The following EMC7 variants were observed in gnomAD, a reference collection of about 807,000 sequenced individuals.
EMC7 encodes the protein ER membrane protein complex subunit 7.
In EMC7, 4 loss-of-function variants were observed where a neutral mutation model predicts 24.4. The ratio of observed to expected loss-of-function variants is 0.16; its 90% confidence interval spans 0.08 to 0.38. EMC7 has a LOEUF of 0.38. Ranked by LOEUF, EMC7 falls within the 10% of genes least tolerant of loss-of-function variation. The pLI is 1.00. For missense variants in EMC7, 221 were observed against 300.6 expected, an observed-to-expected ratio of 0.74 and a Z score of 1.96; for synonymous variants, 106 against 112.0, an observed-to-expected ratio of 0.95 and a Z score of 0.34.
Position 34,096,023 on chromosome 15 carries a change from A to AT in EMC7, c.237-10dup. The stretch of plus-strand genomic sequence containing the variant: ...CAAAACTCCCATCTGTCCTGGAAAA[A>AT]TGAAAATCATGTTTAGCTACTACTG... On this transcript the variant is annotated splice_polypyrimidine_tract_variant and intron_variant, in intron 1 of 4. Coordinates refer to ENST00000256545, the MANE Select transcript of EMC7 (RefSeq NM_020154.3). 2.6e-6 allele frequency: 4 copies of AT among 1,544,820 alleles called. No homozygotes were observed. Among genetic ancestry groups the AT allele is most frequent in the Non-Finnish European group, 3.5e-6 (4 of 1,133,356 alleles).
intron 2 of EMC7, among the ~76,000 whole-genome samples, chr15:34,092,294 A>ACACACACACACACAC (rs1555523201): frequency 2.8e-4 from 7 of 24,642 alleles, no homozygotes; most frequent in East Asian, 1.1e-3. Context: ...CACACACACA[A>ACACACACACACACAC]AGAATTAGGA....
chr15:34,101,195 A>G (rs1901168234), intron 1 of EMC7, among the ~76,000 whole-genome samples: 1 of 152,178 alleles, frequency 6.6e-6, no homozygotes. Flanking sequence ...ATCTTTCTAC[A>G]TAATAACAAG....
At chr15:34,087,085 A>C (rs1567501484) in intron 4 of EMC7, among the ~76,000 whole-genome samples, 1 of 152,228 alleles carries the variant, frequency 6.6e-6, no homozygotes, top group Non-Finnish European at 1.5e-5. Flanking sequence ...CAAGAAGAAT[A>C]TTTGATAAAT....
intron 4 of EMC7, 28 bp from the exon 5 acceptor site, chr15:34,084,514 G>A (rs530468677): frequency 1.0e-4 from 167 of 1,596,964 alleles, no homozygotes; most frequent in Admixed American, 2.4e-4. Flanking sequence ...ACAATGATAT[G>A]TAGGATCCTT....
chr15:34,089,006 G>A (rs969296381), intron 3 of EMC7, among the ~76,000 whole-genome samples: 5 of 151,918 alleles, frequency 3.3e-5, no homozygotes, highest in East Asian at 3.9e-4. Flanking sequence ...ACAGGTCCCC[G>A]CCACCACACC....
intron 1 of EMC7, among the ~76,000 whole-genome samples, chr15:34,098,588 T>C (rs890399294): frequency 8.2e-4 from 124 of 151,256 alleles, no homozygotes; most frequent in African/African-American, 2.9e-3. Context: ...CCCTAGTAGC[T>C]GGGATTACAG....
intron 4 of EMC7, among the ~76,000 whole-genome samples, chr15:34,086,747 A>G (rs1900896291): frequency 6.6e-6 from 1 of 152,246 alleles, no homozygotes; most frequent in Non-Finnish European, 1.5e-5. Flanking sequence ...CTTTTAATCA[A>G]ATGTGACTTC....
At chr15:34,084,582 T>A (rs988625869) in intron 4 of EMC7, 96 bp from the exon 5 acceptor site, 8 of 1,370,950 alleles carry the variant, frequency 5.8e-6, no homozygotes, top group South Asian at 1.4e-5. Flanking sequence ...GTAGAACAAG[T>A]GAAAGGTACT....
chr15:34,098,297 A>C (rs1901112986), intron 1 of EMC7, among the ~76,000 whole-genome samples: 1 of 151,952 alleles, frequency 6.6e-6, no homozygotes, highest in Non-Finnish European at 1.5e-5. Flanking sequence ...GGTGATAATA[A>C]CCTTGAGGAT....
At position 34,088,102 on chromosome 15, in the gene EMC7, A is replaced by G. The variant is rs753948167; in HGVS notation, c.527T>C (p.Phe176Ser). The G allele has an allele frequency of 6.2e-7, 1 of 1,613,518 alleles. No homozygotes were observed. Among genetic ancestry groups the G allele is most frequent in the South Asian group, 1.1e-5 (1 of 90,834 alleles). The change falls in exon 4 of 5, where the codon TTT (phenylalanine) becomes TCT (serine). Residue 176 changes from phenylalanine (F) to serine (S), a missense_variant. Phe to Ser is a radical substitution (Grantham distance 155, BLOSUM62 -2). Around this residue, in one of 2 missense-constraint regions of EMC7, gnomAD observed 65 missense variants for 123.4 expected, o/e 0.53. Transcript: ENST00000256545. Reference protein sequence around the residue: ...VMMMVLPLLIFVLLPKVVNTS... With the variant: ...VMMMVLPLLISVLLPKVVNTS... Reference sequence around the variant, plus strand: ...GTTGACCACTTTAGGCAGAAGCACAAATATCAATAAAGGAAGAACCATCAT... The same window carrying G: ...GTTGACCACTTTAGGCAGAAGCACAGATATCAATAAAGGAAGAACCATCAT...
intron 1 of EMC7, 41 bp from the exon 2 acceptor site, chr15:34,096,055 A>G: frequency 6.9e-7 from 1 of 1,459,664 alleles, no homozygotes; most frequent in South Asian, 1.5e-5. Context: ...ACTGATCAAC[A>G]GCTTAGTCTT....
At chr15:34,084,688 T>G (rs956796518) in intron 4 of EMC7, among the ~76,000 whole-genome samples, 1 of 152,178 alleles carries the variant, frequency 6.6e-6, no homozygotes, top group Non-Finnish European at 1.5e-5. Context: ...ACTAGACATT[T>G]TGACTCTTAG....
intron 4 of EMC7, among the ~76,000 whole-genome samples, chr15:34,087,366 G>C (rs1310976160): frequency 6.6e-6 from 1 of 152,162 alleles, no homozygotes; most frequent in African/African-American, 2.4e-5. Context: ...AGAAAATGTG[G>C]TGGCACTAAA....
At chr15:34,088,878 C>T (rs571746501) in intron 3 of EMC7, among the ~76,000 whole-genome samples, 78 of 152,004 alleles carry the variant, frequency 5.1e-4, no homozygotes, top group Non-Finnish European at 9.9e-4. Flanking sequence ...TTTTTTGAGA[C>T]ACGGTCTCGC....
chr15:34,088,009 A>C, intron 4 of EMC7, 44 bp downstream of exon 4: 1 of 1,531,012 alleles, frequency 6.5e-7, no homozygotes, highest in South Asian at 1.2e-5. Flanking sequence ...CAGAGGCTCT[A>C]TCTCTTAAAA....
intron 1 of EMC7, among the ~76,000 whole-genome samples, chr15:34,097,903 A>C (rs542380015): frequency 2.9e-4 from 44 of 152,074 alleles, no homozygotes; most frequent in Admixed American, 8.5e-4. Context: ...TGGGAGGCGG[A>C]AGTTGCAATG....
At chr15:34,093,034 C>A (rs571422312) in intron 2 of EMC7, among the ~76,000 whole-genome samples, 1 of 152,228 alleles carries the variant, frequency 6.6e-6, no homozygotes, top group African/African-American at 2.4e-5. Context: ...TTATTTAATT[C>A]ATGTAACTTA....
intron 4 of EMC7, among the ~76,000 whole-genome samples, chr15:34,086,523 G>A (rs1381530872): frequency 6.6e-6 from 1 of 152,078 alleles, no homozygotes; most frequent in Non-Finnish European, 1.5e-5. Context: ...CTGCCTCCCA[G>A]TTTCAAGCGA....
intron 1 of EMC7, chr15:34,100,973 C>T (rs1240356986): frequency 6.7e-6 from 1 of 148,626 alleles, no homozygotes; most frequent in East Asian, 2.0e-4. Context: ...CCTAGTCTCA[C>T]ATAAATGACA....
Sources: allele counts gnomAD v4.1 joint callset (sites outside exome capture counted in the v4.1 genomes callset), GRCh38; gene constraint gnomAD v4.1.1; regional missense constraint gnomAD v4.1.1; transcripts MANE v1.5; gene names NCBI Gene and HGNC (gene_info 2026-07-23, HGNC 2026-07-21).